PRIM2: variants seen among roughly 807,000 people sequenced by gnomAD.
The protein encoded by PRIM2 is DNA primase large subunit.
PRIM2 carries 39 observed loss-of-function variants against 67.3 expected under a neutral mutation model. The observed-to-expected ratio is 0.58, with a 90% CI of 0.45 to 0.76. The LOEUF (loss-of-function observed/expected upper bound fraction) is 0.76. Ranked by LOEUF, PRIM2 falls within the 30% of genes least tolerant of loss-of-function variation. PRIM2 has a pLI of 0.00. For synonymous variants in PRIM2, 143 were observed against 198.7 expected (o/e 0.72, Z 2.36); for missense variants, 398 against 598.7 (o/e 0.66, Z 3.50).
At chr6:57,616,372 C>T (rs1776757974) in intron 12 of PRIM2, among the ~76,000 whole-genome samples, 1 of 152,112 alleles carries the variant, frequency 6.6e-6, no homozygotes, top group African/African-American at 2.4e-5. Flanking sequence ...CCAGAATTCA[C>T]ACCTATGCCT....
chr6:57,261,981 T>C, the PRIM2 span, among the ~76,000 whole-genome samples: 1 of 152,212 alleles, frequency 6.6e-6, no homozygotes, highest in South Asian at 2.1e-4. Context: ...AGTCCCTTCA[T>C]TTGAACAATT....
intron 10 of PRIM2, among the ~76,000 whole-genome samples, chr6:57,592,592 C>T (rs1347300736): frequency 6.6e-6 from 1 of 151,946 alleles, no homozygotes; most frequent in Non-Finnish European, 1.5e-5. Flanking sequence ...GTTAAGAGTT[C>T]GAGACCAGCC....
chr6:57,529,646 C>T (rs1774845115), intron 8 of PRIM2, among the ~76,000 whole-genome samples: 2 of 151,960 alleles, frequency 1.3e-5, no homozygotes, highest in Middle Eastern at 3.2e-3. Flanking sequence ...GAAAATAATA[C>T]AAGAGGAGAT....
intron 10 of PRIM2, among the ~76,000 whole-genome samples, chr6:57,583,473 A>G (rs1304473157): frequency 4.0e-5 from 6 of 150,926 alleles, no homozygotes; most frequent in East Asian, 2.0e-4. Context: ...ATGGTTTCCA[A>G]TTTCATCCAT....
intron 6 of PRIM2, among the ~76,000 whole-genome samples, chr6:57,380,706 C>T (rs1437980792): frequency 3.3e-5 from 5 of 151,430 alleles, no homozygotes; most frequent in South Asian, 2.1e-4. Context: ...TTCTTCGTTT[C>T]GACTGTTGGG....
intron 8 of PRIM2, among the ~76,000 whole-genome samples, chr6:57,513,314 G>T (rs1554347890): frequency 6.8e-6 from 1 of 147,498 alleles, no homozygotes; most frequent in Non-Finnish European, 1.5e-5. Flanking sequence ...CCTAATGATG[G>T]TACCATGGGA....
chr6:57,505,684 G>A (rs1214832137), intron 7 of PRIM2, among the ~76,000 whole-genome samples: 12 of 152,146 alleles, frequency 7.9e-5, no homozygotes, highest in Non-Finnish European at 1.3e-4. Context: ...CAACAGTGGA[G>A]ATGTATTAAT....
chr6:57,415,751 A>G (rs1227125523), intron 7 of PRIM2, among the ~76,000 whole-genome samples: 1 of 152,240 alleles, frequency 6.6e-6, no homozygotes, highest in Non-Finnish European at 1.5e-5. Context: ...AACAATGTTC[A>G]TAGCATCTTC....
intron 7 of PRIM2, chr6:57,497,630 C>T (rs1774034012): frequency 6.6e-6 from 1 of 152,176 alleles, no homozygotes; most frequent in African/African-American, 2.4e-5. Flanking sequence ...CAAATGGAAT[C>T]TATGCATTTT....
chr6:57,247,144 C>T, the PRIM2 span, among the ~76,000 whole-genome samples: 1 of 152,198 alleles, frequency 6.6e-6, no homozygotes, highest in East Asian at 1.9e-4. Flanking sequence ...GTGAGCCACA[C>T]CGCGCCCGGC....
chr6:57,588,119 C>A (rs2127487494), intron 10 of PRIM2, among the ~76,000 whole-genome samples: 1 of 152,120 alleles, frequency 6.6e-6, no homozygotes, highest in Non-Finnish European at 1.5e-5. Flanking sequence ...CAGACAAAAC[C>A]ATTAGGGGAC....
At chr6:57,307,099 T>C in the PRIM2 span, among the ~76,000 whole-genome samples, 6 of 151,804 alleles carry the variant, frequency 4.0e-5, no homozygotes, top group East Asian at 1.2e-3. Flanking sequence ...CTCGGGAAGC[T>C]GAGGCAGGAG....
At chr6:57,607,141 T>C (rs1319454973) in intron 12 of PRIM2, among the ~76,000 whole-genome samples, 1 of 152,196 alleles carries the variant, frequency 6.6e-6, no homozygotes, top group African/African-American at 2.4e-5. Flanking sequence ...AAAAAGAACA[T>C]TATATATTTT....
At chr6:57,341,236 A>T (rs9475856) in intron 5 of PRIM2, among the ~76,000 whole-genome samples, 19,354 of 152,130 alleles carry the variant, frequency 0.13, 1,391 homozygotes, top group African/African-American at 0.18. Flanking sequence ...GGGGGATAGG[A>T]TGGAGAGGTA....
intron 10 of PRIM2, among the ~76,000 whole-genome samples, chr6:57,550,824 G>C (rs1419393535): frequency 6.6e-6 from 1 of 152,154 alleles, no homozygotes; most frequent in African/African-American, 2.4e-5. Context: ...GATATCAAGA[G>C]TATGTTTTAA....
chr6:57,416,607 T>G (rs1366700739), intron 7 of PRIM2, among the ~76,000 whole-genome samples: 3 of 152,202 alleles, frequency 2.0e-5, no homozygotes, highest in Non-Finnish European at 4.4e-5. Flanking sequence ...CTTCCAGTAT[T>G]AGGCAGTTTC....
intron 10 of PRIM2, among the ~76,000 whole-genome samples, chr6:57,568,357 C>T (rs1423574213): frequency 1.3e-5 from 2 of 152,132 alleles, no homozygotes; most frequent in African/African-American, 2.4e-5. Context: ...CTTTTCCCCT[C>T]ATTGTTTATG....
intron 8 of PRIM2, among the ~76,000 whole-genome samples, chr6:57,514,530 CTT>C (rs1169506315): frequency 1.3e-5 from 2 of 152,118 alleles, no homozygotes; most frequent in Non-Finnish European, 2.9e-5. Context: ...CATTTATTTC[CTT>C]TTCTACATGC....
intron 7 of PRIM2, among the ~76,000 whole-genome samples, chr6:57,472,951 CT>C (rs1773374599): frequency 6.6e-6 from 1 of 152,180 alleles, no homozygotes; most frequent in African/African-American, 2.4e-5. Flanking sequence ...CAGGAGGCCA[CT>C]TTTCGTTGAA....
Sources: gnomAD v4.1 joint callset for allele counts (sites outside exome capture counted in the v4.1 genomes callset) on GRCh38, gnomAD v4.1.1 for gene constraint, MANE v1.5 for transcripts, NCBI Gene and HGNC (gene_info 2026-07-23, HGNC 2026-07-21) for gene names.